Variants in MPRIP observed in about 807,000 individuals in gnomAD.
The protein encoded by MPRIP is myosin phosphatase Rho interacting protein, also known as myosin phosphatase Rho-interacting protein.
A neutral mutation model predicts 234.9 loss-of-function variants in MPRIP; 59 were observed. The ratio of observed to expected loss-of-function variants is 0.25; its 90% CI spans 0.20 to 0.31. MPRIP has a LOEUF of 0.31. Ranked by LOEUF, MPRIP falls within the 10% of genes least tolerant of loss-of-function variation. The pLI, the probability that MPRIP is intolerant of heterozygous loss-of-function variation, is 1.00. For missense variants in MPRIP, 2,436 were observed against 3,071.0 expected, an observed-to-expected ratio of 0.79 and a Z score of 4.89; for synonymous variants, 1,144 against 1,263.9, an observed-to-expected ratio of 0.91 and a Z score of 2.01.
At chr17:17,137,886 G>A (rs777172921) in intron 6 of MPRIP, 30 bp from the exon 7 acceptor site, 25 of 1,533,462 alleles carry the variant, frequency 1.6e-5, no homozygotes, top group Middle Eastern at 2.3e-4. Context: ...CAGGCTGAGT[G>A]CGTCTCCTCC....
chr17:17,172,641 C>G, intron 17 of MPRIP, 57 bp from the exon 18 acceptor site: 1 of 1,417,272 alleles, frequency 7.1e-7, no homozygotes, highest in Admixed American at 1.8e-5. Context: ...CCACCCCCAC[C>G]CCTGTCAGCA....
At chr17:17,104,045 A>G (rs2090015163) in intron 3 of MPRIP, among the ~76,000 whole-genome samples, 1 of 151,968 alleles carries the variant, frequency 6.6e-6, no homozygotes, top group Non-Finnish European at 1.5e-5. Context: ...GGATAAAACT[A>G]AGATGGTAAT....
chr17:17,179,752 A>C (rs1205319867), intron 22 of MPRIP, among the ~76,000 whole-genome samples: 1 of 152,246 alleles, frequency 6.6e-6, no homozygotes, highest in Non-Finnish European at 1.5e-5. Flanking sequence ...TGTGGGCTAC[A>C]GTCACAGTGC....
chr17:17,128,034 C>T (rs2090526810), intron 4 of MPRIP, among the ~76,000 whole-genome samples: 1 of 152,222 alleles, frequency 6.6e-6, no homozygotes, highest in Admixed American at 6.5e-5. Context: ...AATCTTAATC[C>T]AGAACCATAT....
Position 17,143,712 on chromosome 17 carries a change from C to T in MPRIP, c.1503+43C>T. 3 of 1,346,310 alleles carry T rather than the reference C, an allele frequency of 2.2e-6. No homozygotes were observed. In the South Asian group the frequency reaches 3.8e-5, roughly 17 times the overall value. The allele number at this position is 1,346,310 out of a possible 1,614,324, so 83.4% of individuals were successfully genotyped here. A position where few individuals can be genotyped will look rare whatever the true frequency, so the allele number is the denominator to read the frequency against. On this transcript the variant is annotated intron_variant, in intron 9 of 23. Transcript: ENST00000651222. Reference sequence around the variant, plus strand: ...GTCCTCCGGAGGCCGTGCTCCTCTGCTTCTGGTCACTCTGAGGCGCTGTCT... The same window carrying T: ...GTCCTCCGGAGGCCGTGCTCCTCTGTTTCTGGTCACTCTGAGGCGCTGTCT...
chr17:17,091,707 G>GAA (rs1327849643), intron 3 of MPRIP, among the ~76,000 whole-genome samples: 1 of 152,172 alleles, frequency 6.6e-6, no homozygotes, highest in East Asian at 1.9e-4. Context: ...TCTCCCTCAG[G>GAA]AAAAACCGAG....
At chr17:17,180,479 A>G in intron 23 of MPRIP, 1 of 858,034 alleles carries the variant, frequency 1.2e-6, no homozygotes, top group South Asian at 1.4e-5. Flanking sequence ...TTCCCCAGCC[A>G]GGAAGCAGTA....
chr17:17,164,346 G>A lies in MPRIP; in HGVS notation c.2755G>A (p.Ala919Thr), dbSNP rs549262253. 4.1e-5 allele frequency: 54 copies of A among 1,301,772 alleles called. No individual in the cohort carries two copies. In the African/African-American group the frequency reaches 7.3e-4, roughly 18 times the overall value. 80.6% of individuals were successfully genotyped at this position (1,301,772 alleles called of 1,614,324 possible). The change falls in exon 16 of 24, where the codon GCG (alanine) becomes ACG (threonine). Residue 919 changes from alanine to threonine, a missense_variant. Around this residue, in one of 4 missense-constraint regions of MPRIP, gnomAD observed 1,998 missense variants for 2,520.3 expected, o/e 0.79. Transcript: ENST00000651222. ...CGCTGAGCTAGCCATCAAGGAGCAG[G>A]CGCTGGCCAAGCTCAAGGGCGACCT... ...AAAELAIKEQ[A>T]LAKLKGDLKR... is the part of the protein sequence containing the mutation.
chr17:17,180,535 G>C (rs1051168569), intron 23 of MPRIP: 20 of 1,381,212 alleles, frequency 1.4e-5, no homozygotes, highest in Non-Finnish European at 2.1e-5. Context: ...AGGAGGGCGG[G>C]CGGAGGTGGG....
At chr17:17,047,158 G>A (rs753859384) in intron 1 of MPRIP, among the ~76,000 whole-genome samples, 3 of 152,138 alleles carry the variant, frequency 2.0e-5, no homozygotes, top group Non-Finnish European at 2.9e-5. Flanking sequence ...TGCAGCCTGG[G>A]CAACAAAGTG....
intron 15 of MPRIP, among the ~76,000 whole-genome samples, chr17:17,162,014 C>T (rs2045882317): frequency 6.6e-6 from 1 of 152,216 alleles, no homozygotes; most frequent in South Asian, 2.1e-4. Context: ...AGGCCTTGTG[C>T]CAGGTATTGG....
intron 7 of MPRIP, among the ~76,000 whole-genome samples, chr17:17,140,290 G>A (rs1275113101): frequency 1.3e-5 from 2 of 152,148 alleles, no homozygotes; most frequent in South Asian, 2.1e-4. Flanking sequence ...TTTTGAACTC[G>A]TTCTTGTCTC....
chr17:17,166,103 C>T lies in MPRIP; in HGVS notation c.4512C>T (p.Ser1504=). Residue 1504 remains serine (S), a synonymous_variant, in exon 16 of 24, where the codon TCC becomes TCT. Transcript: ENST00000651222. This position sits in a 1 kb window ranked among gnomAD's most constrained non-coding sequence, Gnocchi z 4.4. ...ATGAGCAGGACGCACGCGCAGCCTC[C>T]CTGGCCAGTGTGGAGAGTGCACTCG... The part of the protein sequence containing the change: ...QEDEQDARAA[S]LASVESALVS... The T allele has an allele frequency of 3.8e-6, 5 of 1,299,256 alleles. No homozygotes were observed. The highest frequency in any genetic ancestry group is 5.1e-6 in the Non-Finnish European group (5 of 985,554). 80.5% of individuals were successfully genotyped at this position (1,299,256 alleles called of 1,614,324 possible).
rs1294961814 is a variant in MPRIP at position 17,191,941 on chromosome 17, G to A, written c.*7047G>A. The A allele has an allele frequency of 6.6e-6, 1 of 152,120 alleles. No homozygotes were observed. The highest frequency in any genetic ancestry group is 1.5e-5 in the Non-Finnish European group (1 of 67,990). The allele number at this position is 152,120 out of a possible 1,614,324, so 9.4% of individuals were successfully genotyped here. ...CAGTTAAGTATAAGAATTACTTCAT[G>A]TGGTTTTCCTAGGGTACAATTTATA... On this transcript the variant is annotated 3_prime_UTR_variant, in exon 24 of 24. Transcript: ENST00000651222.
At chr17:17,082,982 G>A (rs769541618) in intron 3 of MPRIP, among the ~76,000 whole-genome samples, 4 of 152,194 alleles carry the variant, frequency 2.6e-5, no homozygotes, top group African/African-American at 7.2e-5. Context: ...GACCATGTCT[G>A]CTGACCCCAA....
In MPRIP at chr17:17,058,064, G is replaced by A. The variant is rs78763822; in HGVS notation, c.123+15093G>A. ...GACCTGAGATGATTTAGGGGTGGGA[G>A]CCGAGGCCCAGATGGGTAGCTCAGG... On this transcript the variant is annotated intron_variant, in intron 1 of 23. Coordinates refer to ENST00000651222, the MANE Select transcript of MPRIP (RefSeq NM_001364716.4). 3.2e-3 allele frequency: 800 copies of A among 250,232 alleles called. 3 individuals carry two copies. Among genetic ancestry groups the A allele is most frequent in the Non-Finnish European group, 5.1e-3 (666 of 129,394 alleles). 15.5% of individuals were successfully genotyped at this position (250,232 alleles called of 1,614,324 possible). A position where few individuals can be genotyped will look rare whatever the true frequency, so the allele number is the denominator to read the frequency against.
intron 2 of MPRIP, chr17:17,076,930 T>C (rs1252081801): frequency 1.4e-5 from 2 of 145,444 alleles, no homozygotes; most frequent in Non-Finnish European, 3.0e-5. Context: ...ATTGTTGGGC[T>C]CTTTGCTTTT....
intron 5 of MPRIP, among the ~76,000 whole-genome samples, chr17:17,132,621 T>A (rs2144431556): frequency 6.6e-6 from 1 of 152,292 alleles, no homozygotes; most frequent in Middle Eastern, 3.4e-3. Context: ...CTGGGTCCCT[T>A]TCTCTCCTCA....
chr17:17,126,824 C>G lies in MPRIP; in HGVS notation c.390C>G (p.Ile130Met). The G allele has an allele frequency of 6.2e-7, 1 of 1,614,146 alleles. No individual in the cohort carries two copies. The change falls in exon 4 of 24, where the codon ATC (isoleucine) becomes ATG (methionine). Residue 130 changes from isoleucine to methionine, a missense_variant. Ile to Met is a conservative substitution (Grantham distance 10). This residue lies in a region of MPRIP where 140 missense variants were observed against 207.3 expected (regional missense o/e 0.68). Coordinates refer to ENST00000651222, the MANE Select transcript of MPRIP (RefSeq NM_001364716.4). Reference sequence around the variant, plus strand: ...TGACGCCTGAGAAGGAGCATTTCATCCGGGCGGAGACCAAGGAGATCGTCA... The same window carrying G: ...TGACGCCTGAGAAGGAGCATTTCATGCGGGCGGAGACCAAGGAGATCGTCA... ...CILTPEKEHF[I>M]RAETKEIVSG...
Sources: gnomAD v4.1 joint callset for allele counts (sites outside exome capture counted in the v4.1 genomes callset) on GRCh38, gnomAD v4.1.1 for gene constraint, gnomAD v4.1.1 regional missense constraint, Gnocchi (gnomAD v3.1) non-coding constraint, MANE v1.5 for transcripts, NCBI Gene and HGNC (gene_info 2026-07-23, HGNC 2026-07-21) for gene names.